Variants in GPC5 observed in about 807,000 individuals in gnomAD.
GPC5 encodes the protein glypican-5.
A neutral mutation model predicts 53.9 loss-of-function variants in GPC5; 47 were observed. The ratio of observed to expected loss-of-function variants is 0.87; its 90% confidence interval spans 0.69 to 1.11. The LOEUF (loss-of-function observed/expected upper bound fraction) is 1.11. Among genes scored for constraint, GPC5 ranks in the 50% most tolerant of loss-of-function variants. The pLI, the probability that GPC5 is intolerant of heterozygous loss-of-function variation, is 0.00. For synonymous variants in GPC5, 286 were observed against 263.3 expected (o/e 1.09, Z -0.84); for missense variants, 748 against 713.1 (o/e 1.05, Z -0.56).
rs1414492988 is a variant in GPC5 at position 92,166,952 on chromosome 13, T to TCA, written c.1561+21964_1561+21965insAC. On this transcript the variant is annotated intron_variant, in intron 7 of 7. Transcript: ENST00000377067. ...CTCTCTCTCTCTCTCTCTCTCTCTC[T>TCA]CTCTCACACACACACACACACACAC... 2.5e-4 allele frequency among the ~76,000 whole-genome samples: 16 copies of TCA among 63,190 alleles called. No homozygotes were observed. In the East Asian group the frequency reaches 3.8e-3, roughly 15 times the overall value. 41.5% of individuals were successfully genotyped at this position (63,190 alleles called of 152,430 possible). A position where few individuals can be genotyped will look rare whatever the true frequency, so the allele number is the denominator to read the frequency against.
intron 7 of GPC5, among the ~76,000 whole-genome samples, chr13:92,466,005 T>C (rs1878676468): frequency 6.6e-6 from 1 of 151,932 alleles, no homozygotes; most frequent in South Asian, 2.1e-4. Flanking sequence ...GTACACACGA[T>C]AATAATGTGT....
intron 7 of GPC5, among the ~76,000 whole-genome samples, chr13:92,613,181 G>C (rs1163748036): frequency 7.1e-6 from 1 of 140,760 alleles, no homozygotes; most frequent in African/African-American, 2.7e-5. Flanking sequence ...AATCAAACAG[G>C]GACTGTGTTC....
intron 2 of GPC5, among the ~76,000 whole-genome samples, chr13:91,617,255 T>C (rs188966191): frequency 1.3e-5 from 2 of 152,056 alleles, no homozygotes; most frequent in Admixed American, 6.6e-5. Context: ...TGTATGAGAG[T>C]GAAATGGAAG....
At chr13:92,595,873 C>T (rs1304232035) in intron 7 of GPC5, among the ~76,000 whole-genome samples, 1 of 151,382 alleles carries the variant, frequency 6.6e-6, no homozygotes, top group East Asian at 1.9e-4. Context: ...TTCTTGCTTA[C>T]TGTAAAATAG....
chr13:91,976,514 G>A (rs1413633705), intron 6 of GPC5, among the ~76,000 whole-genome samples: 1 of 152,118 alleles, frequency 6.6e-6, no homozygotes, highest in African/African-American at 2.4e-5. Flanking sequence ...ATATAGCAGA[G>A]AAGGAATGTA....
At chr13:92,123,350 T>C (rs769678728) in intron 6 of GPC5, among the ~76,000 whole-genome samples, 6 of 152,184 alleles carry the variant, frequency 3.9e-5, no homozygotes, top group African/African-American at 9.7e-5. Flanking sequence ...ATTCACAAGA[T>C]TGTTATATGA....
At chr13:92,106,529 T>C (rs530838648) in intron 6 of GPC5, among the ~76,000 whole-genome samples, 16 of 152,168 alleles carry the variant, frequency 1.1e-4, no homozygotes, top group African/African-American at 3.6e-4. Flanking sequence ...AATTGAATCA[T>C]AAAAATTGTC....
intron 7 of GPC5, among the ~76,000 whole-genome samples, chr13:92,460,207 C>T (rs1361491140): frequency 2.6e-5 from 4 of 152,048 alleles, no homozygotes; most frequent in Non-Finnish European, 2.9e-5. Flanking sequence ...AATTACAGTG[C>T]ATTAGATATT....
At chr13:92,295,642 A>C (rs953392811) in intron 7 of GPC5, among the ~76,000 whole-genome samples, 1 of 152,168 alleles carries the variant, frequency 6.6e-6, no homozygotes, top group Non-Finnish European at 1.5e-5. Flanking sequence ...GAGCTCCAGT[A>C]TTAGGTGCAT....
chr13:92,649,197 C>G (rs1736680247), intron 7 of GPC5, among the ~76,000 whole-genome samples: 1 of 152,072 alleles, frequency 6.6e-6, no homozygotes, highest in African/African-American at 2.4e-5. Flanking sequence ...CATTAGGATA[C>G]ATGTTAACAT....
chr13:92,416,333 A>G (rs9516075), intron 7 of GPC5, among the ~76,000 whole-genome samples: 57,667 of 152,010 alleles, frequency 0.38, 11,273 homozygotes, highest in Non-Finnish European at 0.42. Flanking sequence ...GGATCTGGAA[A>G]ATAGATTGGA....
chr13:92,339,850 A>G (rs950581230), intron 7 of GPC5: 2 of 152,158 alleles, frequency 1.3e-5, no homozygotes, highest in African/African-American at 4.8e-5. Context: ...TCAACACCTT[A>G]TAATTATCAG....
intron 7 of GPC5, among the ~76,000 whole-genome samples, chr13:92,221,088 G>A (rs928030040): frequency 3.9e-5 from 6 of 152,086 alleles, no homozygotes; most frequent in African/African-American, 1.4e-4. Context: ...GAGAGGGGTG[G>A]TCACTCAACT....
intron 7 of GPC5, among the ~76,000 whole-genome samples, chr13:92,383,933 A>T (rs1028843585): frequency 5.9e-5 from 9 of 152,194 alleles, no homozygotes; most frequent in African/African-American, 2.2e-4. Flanking sequence ...AGAGAAATTT[A>T]AAATTTAAAA....
At chr13:91,427,519 G>T (rs572844358) in intron 1 of GPC5, among the ~76,000 whole-genome samples, 79 of 152,310 alleles carry the variant, frequency 5.2e-4, no homozygotes, top group African/African-American at 1.9e-3. Flanking sequence ...TTTGGAATGA[G>T]AACATTTACC....
intron 7 of GPC5, among the ~76,000 whole-genome samples, chr13:92,157,961 C>T (rs921078081): frequency 1.3e-5 from 2 of 151,962 alleles, no homozygotes; most frequent in South Asian, 4.2e-4. Flanking sequence ...TTAAAATGAA[C>T]TGTAAAAAAT....
At chr13:92,509,063 T>C (rs1268971191) in intron 7 of GPC5, among the ~76,000 whole-genome samples, 5 of 152,274 alleles carry the variant, frequency 3.3e-5, no homozygotes, top group Non-Finnish European at 5.9e-5. Flanking sequence ...AAATATGTAA[T>C]ATATGCCAGA....
At chr13:92,310,902 C>T (rs999391314) in intron 7 of GPC5, among the ~76,000 whole-genome samples, 1 of 152,150 alleles carries the variant, frequency 6.6e-6, no homozygotes, top group Non-Finnish European at 1.5e-5. Context: ...TTGAAAGAGA[C>T]ATCTAACTGA....
intron 7 of GPC5, among the ~76,000 whole-genome samples, chr13:92,786,919 C>A (rs1304049021): frequency 6.6e-6 from 1 of 152,154 alleles, no homozygotes; most frequent in Non-Finnish European, 1.5e-5. Context: ...GATCCAGGCT[C>A]CCCTGGAAGG....
Sources: allele counts gnomAD v4.1 joint callset (sites outside exome capture counted in the v4.1 genomes callset), GRCh38; gene constraint gnomAD v4.1.1; transcripts MANE v1.5; gene names NCBI Gene and HGNC (gene_info 2026-07-23, HGNC 2026-07-21).